SAMD5: variants seen among roughly 807,000 people sequenced by gnomAD.
The protein encoded by SAMD5 is sterile alpha motif domain containing 5.
A neutral mutation model predicts 11.3 loss-of-function variants in SAMD5; 13 were observed. That is an observed-to-expected ratio of 1.15 (90% CI 0.75 to 1.83). SAMD5 has a LOEUF of 1.83. SAMD5 is among the 40% of genes most tolerant of loss of function. The pLI, the probability that SAMD5 is intolerant of heterozygous loss-of-function variation, is 0.00. For missense variants in SAMD5, 255 were observed against 239.1 expected (o/e 1.07, Z -0.44); for synonymous variants, 129 against 111.3 (o/e 1.16, Z -1.00).
At chr6:147,512,375 G>C (rs1221378030) in intron 1 of SAMD5, among the ~76,000 whole-genome samples, 2 of 152,124 alleles carry the variant, frequency 1.3e-5, no homozygotes, top group African/African-American at 2.4e-5. Context: ...GAGAATTTTA[G>C]ATGGCTTGAA....
In SAMD5 at chr6:147,564,828, T is replaced by A; in HGVS notation, c.*372T>A. 1 of 972,322 alleles carries A rather than the reference T, an allele frequency of 1.0e-6. No individual in the cohort carries two copies. Among genetic ancestry groups the A allele is most frequent in the Non-Finnish European group, 1.2e-6 (1 of 816,310 alleles). 60.2% of individuals were successfully genotyped at this position (972,322 alleles called of 1,614,324 possible). A position where few individuals can be genotyped will look rare whatever the true frequency, so the allele number is the denominator to read the frequency against. On this transcript the variant is annotated 3_prime_UTR_variant, in exon 2 of 2. Transcript: ENST00000367474. ...GTTTAAGTACAATATAACAAAAAGGTAGATTTCTGACAGTAAGTAGTAATT... is the reference window on the plus strand; with the variant it reads ...GTTTAAGTACAATATAACAAAAAGGAAGATTTCTGACAGTAAGTAGTAATT...
chr6:147,883,132 A>AT, the SAMD5 span, among the ~76,000 whole-genome samples: 1 of 152,230 alleles, frequency 6.6e-6, no homozygotes, highest in Non-Finnish European at 1.5e-5. Context: ...GCAGAGGATC[A>AT]TTTTAATTTA....
chr6:147,644,299 G>A (rs925984927), intron 1 of SAMD5, among the ~76,000 whole-genome samples: 1 of 152,114 alleles, frequency 6.6e-6, no homozygotes, highest in African/African-American at 2.4e-5. Flanking sequence ...TATTGCTTTA[G>A]GTTTAGGAGA....
At chr6:147,661,173 A>G (rs1790644018) in intron 1 of SAMD5, among the ~76,000 whole-genome samples, 1 of 152,160 alleles carries the variant, frequency 6.6e-6, no homozygotes, top group South Asian at 2.1e-4. Flanking sequence ...GGAAGAGAAC[A>G]TGAAAAAGAA....
the SAMD5 span, among the ~76,000 whole-genome samples, chr6:147,754,089 T>TGGTA: frequency 6.6e-6 from 1 of 152,178 alleles, no homozygotes; most frequent in East Asian, 1.9e-4. Flanking sequence ...CTGGGTCATA[T>TGGTA]GGTAGCTCAG....
the SAMD5 span, among the ~76,000 whole-genome samples, chr6:147,877,724 A>G: frequency 6.6e-6 from 1 of 151,968 alleles, no homozygotes; most frequent in Non-Finnish European, 1.5e-5. Context: ...TTTGTGCAAG[A>G]AGAAAGGAAT....
At chr6:147,648,866 A>G (rs1052540559) in intron 1 of SAMD5, among the ~76,000 whole-genome samples, 4 of 152,370 alleles carry the variant, frequency 2.6e-5, no homozygotes, top group African/African-American at 7.2e-5. Flanking sequence ...ATGCTTCACT[A>G]TATACATTTA....
At chr6:147,862,548 C>T in the SAMD5 span, among the ~76,000 whole-genome samples, 2 of 152,220 alleles carry the variant, frequency 1.3e-5, no homozygotes, top group Non-Finnish European at 1.5e-5. Context: ...GGATATTTCA[C>T]TTGCACCCCG....
the SAMD5 span, among the ~76,000 whole-genome samples, chr6:147,756,013 T>C: frequency 6.6e-6 from 1 of 152,112 alleles, no homozygotes; most frequent in African/African-American, 2.4e-5. Context: ...TTACGTTTTT[T>C]AGTATTCTCA....
intron 1 of SAMD5, among the ~76,000 whole-genome samples, chr6:147,589,330 C>T (rs2128447068): frequency 6.6e-6 from 1 of 152,288 alleles, no homozygotes; most frequent in South Asian, 2.1e-4. Flanking sequence ...GTTAGTCCAT[C>T]TATAGGGACT....
the SAMD5 span, among the ~76,000 whole-genome samples, chr6:147,874,125 G>A: frequency 6.6e-6 from 1 of 152,208 alleles, no homozygotes; most frequent in Non-Finnish European, 1.5e-5. Context: ...TTTAGGCAAT[G>A]CTAAGCAAGA....
intron 1 of SAMD5, among the ~76,000 whole-genome samples, chr6:147,703,367 C>T (rs771171627): frequency 2.0e-5 from 3 of 152,166 alleles, no homozygotes; most frequent in African/African-American, 4.8e-5. Flanking sequence ...CCACCATGCC[C>T]GGCTACTCAC....
At chr6:147,712,221 TG>T (rs1447092682) in intron 1 of SAMD5, among the ~76,000 whole-genome samples, 3 of 152,250 alleles carry the variant, frequency 2.0e-5, no homozygotes. Flanking sequence ...AATTATATTT[TG>T]AAAGCCATTC....
At chr6:147,937,354 CT>C in the SAMD5 span, among the ~76,000 whole-genome samples, 2 of 152,204 alleles carry the variant, frequency 1.3e-5, no homozygotes, top group Non-Finnish European at 2.9e-5. Flanking sequence ...CTTATGTCAT[CT>C]GTAACAGCAC....
the SAMD5 span, among the ~76,000 whole-genome samples, chr6:147,799,309 A>C: frequency 1.3e-5 from 2 of 151,738 alleles, no homozygotes; most frequent in Non-Finnish European, 2.9e-5. Context: ...AAAGTATTTT[A>C]TTTCTCCTTC....
the SAMD5 span, among the ~76,000 whole-genome samples, chr6:147,854,689 CCAACCTAATAATATTCTTGATCCA>C: frequency 6.6e-6 from 1 of 151,858 alleles, no homozygotes; most frequent in Admixed American, 6.6e-5. Flanking sequence ...TACTTTTGAA[CCAACCTAATAATATTCTTGATCCA>C]CAAGGATTTC....
rs557989470 is a variant in SAMD5 at position 147,698,700 on chromosome 6, T to C, written c.163-38617T>C. Among the ~76,000 whole-genome samples, 3 of 152,280 alleles carry C rather than the reference T, an allele frequency of 2.0e-5. No individual in the cohort carries two copies. In the South Asian group the frequency reaches 6.2e-4, roughly 32 times the overall value. ...TTCTGGGAGTAGTGGCCAAGGCAGA[T>C]AAAGCCCCTTGTACTTGCCCAGTTT... is the stretch of plus-strand genomic sequence containing the variant. On this transcript the variant is annotated intron_variant, in intron 1 of 1. Transcript: ENST00000566741.
At chr6:147,865,778 T>C in the SAMD5 span, among the ~76,000 whole-genome samples, 1 of 152,180 alleles carries the variant, frequency 6.6e-6, no homozygotes, top group Non-Finnish European at 1.5e-5. Context: ...AAACTCTCTT[T>C]CATTTTGTTT....
intron 1 of SAMD5, among the ~76,000 whole-genome samples, chr6:147,526,718 A>G (rs781589068): frequency 2.9e-4 from 44 of 152,230 alleles, no homozygotes; most frequent in Non-Finnish European, 4.8e-4. Context: ...ATATTTATTG[A>G]ATGAATGCAT....
Sources: gnomAD v4.1 joint callset for allele counts (sites outside exome capture counted in the v4.1 genomes callset) on GRCh38, gnomAD v4.1.1 for gene constraint, MANE v1.5 for transcripts, NCBI Gene and HGNC (gene_info 2026-07-23, HGNC 2026-07-21) for gene names.